Variants in CARF observed in about 807,000 individuals in gnomAD.
CARF encodes calcium-responsive transcription factor.
In CARF, 57 loss-of-function variants were observed where a neutral mutation model predicts 82.0. The observed-to-expected ratio is 0.70, with a 90% confidence interval of 0.56 to 0.87. The LOEUF is 0.87. Among genes scored for constraint, CARF ranks in the 40% least tolerant of loss-of-function variants. The probability of loss-of-function intolerance (pLI) is 0.00; values close to 1 mark genes in which losing one functional copy is unlikely to be tolerated. For missense variants in CARF, 771 were observed against 855.8 expected, an observed-to-expected ratio of 0.90 and a Z score of 1.24; for synonymous variants, 268 against 290.1, an observed-to-expected ratio of 0.92 and a Z score of 0.77.
intron 3 of CARF, among the ~76,000 whole-genome samples, chr2:202,931,135 G>A (rs895682753): frequency 2.0e-5 from 3 of 151,496 alleles, no homozygotes; most frequent in South Asian, 2.1e-4. Flanking sequence ...CACCAAGCCC[G>A]GCTAATTTCA....
chr2:202,947,140 G>T (rs1372660432), intron 5 of CARF, among the ~76,000 whole-genome samples: 1 of 152,070 alleles, frequency 6.6e-6, no homozygotes, highest in African/African-American at 2.4e-5. Context: ...ATACCCAAAG[G>T]ATTATAAATC....
rs6722772 is a variant in CARF, at chr2:202,944,332, C to T, written c.306+1365C>T. Among the ~76,000 whole-genome samples, 821 of 152,132 alleles carry T rather than the reference C, an allele frequency of 5.4e-3. 11 individuals carry two copies. The highest frequency in any genetic ancestry group is 0.019 in the African/African-American group (774 of 41,522). On this transcript the variant is annotated intron_variant, in intron 5 of 16. Coordinates refer to ENST00000438828, the MANE Select transcript of CARF (RefSeq NM_024744.17). ...TGAAGGATAATGTGTTTCTTGTTTA[C>T]TTGAATTTTCTGAATTTTCTACAAT...
intron 15 of CARF, 91 bp from the exon 16 acceptor site, chr2:202,981,981 T>A (rs2060280850): frequency 1.5e-6 from 2 of 1,335,476 alleles, no homozygotes; most frequent in Admixed American, 2.4e-5. Flanking sequence ...TTTTATTTGT[T>A]CGGATTTTTT....
chr2:202,972,182 T>TC, intron 12 of CARF, among the ~76,000 whole-genome samples: 1 of 152,134 alleles, frequency 6.6e-6, no homozygotes. Flanking sequence ...TACTCTGGTC[T>TC]AAGTTTTTTG....
chr2:202,977,424 A>G, intron 14 of CARF, 92 bp downstream of exon 14: 1 of 946,540 alleles, frequency 1.1e-6, no homozygotes, highest in Admixed American at 2.1e-5. Context: ...CAAATTTTAT[A>G]GATAAGGAAA....
intron 8 of CARF, among the ~76,000 whole-genome samples, chr2:202,960,183 C>T (rs1045048141): frequency 1.3e-5 from 2 of 152,166 alleles, no homozygotes; most frequent in Middle Eastern, 3.4e-3. Context: ...TGCTAATTTC[C>T]ATAAGATAAA....
intron 5 of CARF, among the ~76,000 whole-genome samples, chr2:202,951,869 G>T (rs950551185): frequency 6.8e-6 from 1 of 146,314 alleles, no homozygotes; most frequent in South Asian, 2.1e-4. Flanking sequence ...GTCTCGCTCT[G>T]TCGCCCAGGC....
chr2:202,948,799 T>C (rs2058621971), intron 5 of CARF, among the ~76,000 whole-genome samples: 2 of 152,150 alleles, frequency 1.3e-5, no homozygotes, highest in Admixed American at 1.3e-4. Flanking sequence ...CAAACAAGGA[T>C]AGTCCAACTT....
At chr2:202,981,013 T>C (rs1390516302) in intron 14 of CARF, among the ~76,000 whole-genome samples, 1 of 152,128 alleles carries the variant, frequency 6.6e-6, no homozygotes, top group African/African-American at 2.4e-5. Flanking sequence ...TTAAAATTAA[T>C]GGAGGTTAAA....
In CARF at chr2:202,983,902, T is replaced by A; in HGVS notation, c.*278T>A. 3.5e-6 allele frequency: 1 copy of A among 287,184 alleles called. No individual in the cohort carries two copies. The highest frequency in any genetic ancestry group is 6.4e-6 in the Non-Finnish European group (1 of 156,886). The allele number at this position is 287,184 out of a possible 1,614,324, so 17.8% of individuals were successfully genotyped here. A position where few individuals can be genotyped will look rare whatever the true frequency, so the allele number is the denominator to read the frequency against. On this transcript the variant is annotated 3_prime_UTR_variant, in exon 17 of 17. Transcript: ENST00000438828. ...TCTGAATTTATCCACAGTAATATAG[T>A]CTGAACACAAATAGTTTACTTAACT...
chr2:202,986,868 G>GTATATATATA lies in CARF; in HGVS notation c.*3275_*3284dup, dbSNP rs67693134. 9.8e-4 allele frequency: 29 copies of GTATATATATA among 29,640 alleles called. No individual in the cohort carries two copies. Among genetic ancestry groups the GTATATATATA allele is most frequent in the African/African-American group, 1.1e-3 (14 of 13,018 alleles). The allele number at this position is 29,640 out of a possible 1,614,324, so 1.8% of individuals were successfully genotyped here. ...AAAGAGGTTTAAAAAATGTCTGTGC[G>GTATATATATA]TATATATATATATATATATATATAT... On this transcript the variant is annotated 3_prime_UTR_variant, in exon 17 of 17. Coordinates refer to ENST00000438828, the MANE Select transcript of CARF (RefSeq NM_024744.17).
intron 5 of CARF, among the ~76,000 whole-genome samples, chr2:202,946,931 A>G (rs1249938828): frequency 6.6e-6 from 1 of 152,230 alleles, no homozygotes; most frequent in Non-Finnish European, 1.5e-5. Context: ...ATGAGATATC[A>G]TCACACGCCG....
At chr2:202,944,149 G>T (rs1326622191) in intron 5 of CARF, among the ~76,000 whole-genome samples, 2 of 152,162 alleles carry the variant, frequency 1.3e-5, no homozygotes, top group African/African-American at 4.8e-5. Context: ...GATGAGGATG[G>T]CTAAATACTT....
intron 8 of CARF, among the ~76,000 whole-genome samples, chr2:202,956,090 TC>T (rs1289775198): frequency 1.3e-5 from 2 of 152,004 alleles, no homozygotes; most frequent in East Asian, 3.9e-4. Context: ...TTTTTTTTTT[TC>T]ATATTATCAG....
chr2:202,918,152 CTAT>C (rs901056604), intron 2 of CARF, 109 bp downstream of exon 2: 38 of 313,896 alleles, frequency 1.2e-4, no homozygotes, highest in African/African-American at 7.8e-4. Context: ...GTGCTTTGTT[CTAT>C]TTATGTTTAT....
chr2:202,926,183 G>A (rs957326767), intron 3 of CARF, among the ~76,000 whole-genome samples: 1 of 152,182 alleles, frequency 6.6e-6, no homozygotes, highest in Non-Finnish European at 1.5e-5. Context: ...GGAAGCATAG[G>A]GAACAGGAGA....
intron 2 of CARF, among the ~76,000 whole-genome samples, chr2:202,923,393 A>C (rs1048595646): frequency 6.6e-6 from 1 of 152,218 alleles, no homozygotes; most frequent in African/African-American, 2.4e-5. Flanking sequence ...CTGCAAAAAA[A>C]GTAAAATACT....
chr2:202,915,034 T>TGA (rs1264287526), intron 1 of CARF, among the ~76,000 whole-genome samples: 12 of 152,094 alleles, frequency 7.9e-5, no homozygotes, highest in African/African-American at 2.9e-4. Flanking sequence ...GTTTTTTGTT[T>TGA]TTTTTCAGAG....
chr2:202,921,133 C>T (rs1398402216), intron 2 of CARF, among the ~76,000 whole-genome samples: 1 of 152,152 alleles, frequency 6.6e-6, no homozygotes, highest in African/African-American at 2.4e-5. Flanking sequence ...TCCCAGGTAG[C>T]TGGGACTACA....
Sources: allele counts gnomAD v4.1 joint callset (sites outside exome capture counted in the v4.1 genomes callset), GRCh38; gene constraint gnomAD v4.1.1; transcripts MANE v1.5; gene names NCBI Gene and HGNC (gene_info 2026-07-23, HGNC 2026-07-21).